The following SERPINI2 variants were observed in gnomAD, a reference collection of about 807,000 sequenced individuals.
SERPINI2 encodes serpin family I member 2.
SERPINI2 carries 48 observed loss-of-function variants against 47.3 expected under a neutral mutation model. That is an observed-to-expected ratio of 1.02 (90% CI 0.81 to 1.29). The LOEUF is 1.29. Among genes scored for constraint, SERPINI2 ranks in the 50% most tolerant of loss-of-function variants. The pLI is 0.00. For missense variants in SERPINI2, 448 were observed against 456.9 expected, an observed-to-expected ratio of 0.98 and a Z score of 0.18; for synonymous variants, 135 against 149.3, an observed-to-expected ratio of 0.90 and a Z score of 0.70.
chr3:167,471,240 G>A (rs113426118), intron 2 of SERPINI2, among the ~76,000 whole-genome samples: 13 of 152,132 alleles, frequency 8.5e-5, no homozygotes, highest in African/African-American at 3.1e-4. Context: ...GAATATGTAT[G>A]TGTATAGATG....
chr3:167,469,515 C>T (rs939683615), intron 2 of SERPINI2: 1 of 152,156 alleles, frequency 6.6e-6, no homozygotes, highest in Non-Finnish European at 1.5e-5. Flanking sequence ...TGACTTGTGC[C>T]AAATCACAAG....
chr3:167,460,938 C>T (rs1041126155), intron 5 of SERPINI2, among the ~76,000 whole-genome samples: 2 of 152,078 alleles, frequency 1.3e-5, no homozygotes, highest in Admixed American at 1.3e-4. Flanking sequence ...AACCCGCTGT[C>T]CCAGAAATCA....
chr3:167,476,109 G>A (rs184697389), upstream of SERPINI2, among the ~76,000 whole-genome samples: 138 of 143,914 alleles, frequency 9.6e-4, no homozygotes, highest in African/African-American at 4.0e-3. Context: ...ATACAAACAA[G>A]GTAGCCTATT....
rs371187709 is a variant in SERPINI2, at chr3:167,449,306, T to G, written c.1051+10A>C. The G allele has an allele frequency of 6.3e-7, 1 of 1,596,678 alleles. No homozygotes were observed. The highest frequency in any genetic ancestry group is 1.3e-5 in the African/African-American group (1 of 74,700). ...TTCCTTCTAGCTTGGCCAGAAATCA[T>G]TCACCCTACCAGTTGATGTTGCAGC... On this transcript the variant is annotated intron_variant, in intron 7 of 8. Coordinates refer to ENST00000264677, the Ensembl canonical transcript of SERPINI2.
At chr3:167,472,013 C>T (rs963022699) in intron 1 of SERPINI2, 169 bp from the exon 2 acceptor site, 6 of 549,572 alleles carry the variant, frequency 1.1e-5, no homozygotes, top group Non-Finnish European at 1.9e-5. Context: ...AAAAATAGTT[C>T]ATGTGTTAAT....
chr3:167,471,890 T>G, intron 1 of SERPINI2, 46 bp from the exon 2 acceptor site: 1 of 1,464,778 alleles, frequency 6.8e-7, no homozygotes, highest in Non-Finnish European at 9.4e-7. Flanking sequence ...AATAGAGTTT[T>G]CCACAGAGAG....
intron 1 of SERPINI2, among the ~76,000 whole-genome samples, chr3:167,473,294 A>T (rs528341885): frequency 4.6e-4 from 70 of 151,852 alleles, no homozygotes; most frequent in African/African-American, 1.6e-3. Flanking sequence ...TTCATTAGGG[A>T]TTAATTTAGC....
chr3:167,443,259 C>T (rs1749380541), intron 8 of SERPINI2, among the ~76,000 whole-genome samples: 1 of 152,126 alleles, frequency 6.6e-6, no homozygotes, highest in Admixed American at 6.6e-5. Flanking sequence ...AGGTGCCCGC[C>T]ACCACGCCTG....
chr3:167,463,191 T>C (rs1750030875), intron 5 of SERPINI2, among the ~76,000 whole-genome samples: 1 of 152,090 alleles, frequency 6.6e-6, no homozygotes, highest in African/African-American at 2.4e-5. Flanking sequence ...AGAAGTAAAT[T>C]TGAAAATAAA....
chr3:167,449,276 C>A (rs368572001), intron 7 of SERPINI2, 40 bp downstream of exon 7: 2 of 1,328,370 alleles, frequency 1.5e-6, no homozygotes, highest in African/African-American at 2.9e-5. Flanking sequence ...ATCCTCTCCC[C>A]ATGTTTCCTT....
intron 2 of SERPINI2, among the ~76,000 whole-genome samples, chr3:167,471,106 A>G (rs928335455): frequency 1.3e-5 from 2 of 152,178 alleles, no homozygotes; most frequent in Non-Finnish European, 2.9e-5. Context: ...GAAACAACCT[A>G]CTGAAGAAAG....
chr3:167,446,428 G>A, exon 8 of SERPINI2: 1 of 1,610,250 alleles, frequency 6.2e-7, no homozygotes, highest in Non-Finnish European at 8.5e-7. Flanking sequence ...AGAAATGGAT[G>A]ATTTGCTATA....
chr3:167,474,267 T>C (rs116720039), upstream of SERPINI2: 2,573 of 383,384 alleles, frequency 6.7e-3, 71 homozygotes, highest in African/African-American at 0.054. Context: ...ATTTATATTA[T>C]TATTTTATCC....
intron 7 of SERPINI2, among the ~76,000 whole-genome samples, chr3:167,447,935 A>G (rs1217514279): frequency 6.6e-6 from 1 of 152,244 alleles, no homozygotes; most frequent in African/African-American, 2.4e-5. Flanking sequence ...CATTGGCCCA[A>G]TGCAGCATTG....
intron 7 of SERPINI2, chr3:167,446,808 G>C (rs963937547): frequency 6.1e-6 from 1 of 164,052 alleles, no homozygotes; most frequent in Non-Finnish European, 1.3e-5. Flanking sequence ...CTTTTTATTT[G>C]CATTATATGA....
At chr3:167,461,535 A>T (rs1287866237) in intron 5 of SERPINI2, among the ~76,000 whole-genome samples, 1 of 151,996 alleles carries the variant, frequency 6.6e-6, no homozygotes, top group African/African-American at 2.4e-5. Flanking sequence ...GGAGATGGGG[A>T]AGTTTGAGAT....
chr3:167,474,083 A>G, exon 1 of SERPINI2: 1 of 1,020,754 alleles, frequency 9.8e-7, no homozygotes, highest in Non-Finnish European at 1.2e-6. Context: ...TAAACACCTG[A>G]GCGATCAAGG....
At chr3:167,464,714 C>G (rs1016307865) in intron 5 of SERPINI2, among the ~76,000 whole-genome samples, 2 of 152,068 alleles carry the variant, frequency 1.3e-5, no homozygotes, top group Non-Finnish European at 2.9e-5. Context: ...CTGAGATAAC[C>G]CTTTCAATTT....
chr3:167,474,237 G>T, upstream of SERPINI2: 3 of 561,656 alleles, frequency 5.3e-6, no homozygotes, highest in Non-Finnish European at 6.8e-6. Context: ...AACAATTATA[G>T]AATTTTTTAA....
Sources: gnomAD v4.1 joint callset for allele counts (sites outside exome capture counted in the v4.1 genomes callset) on GRCh38, gnomAD v4.1.1 for gene constraint, MANE v1.5 for transcripts, NCBI Gene and HGNC (gene_info 2026-07-23, HGNC 2026-07-21) for gene names.